Variants in IL31RA observed in about 807,000 individuals in gnomAD.
IL31RA encodes the protein interleukin 31 receptor A.
A neutral mutation model predicts 83.7 loss-of-function variants in IL31RA; 66 were observed. The observed-to-expected ratio is 0.79, with a 90% CI of 0.65 to 0.97. IL31RA has a LOEUF of 0.97. Ranked by LOEUF, IL31RA falls within the 50% of genes least tolerant of loss-of-function variation. The pLI is 0.00. For missense variants in IL31RA, 798 were observed against 919.4 expected, an observed-to-expected ratio of 0.87 and a Z score of 1.71; for synonymous variants, 325 against 329.0, an observed-to-expected ratio of 0.99 and a Z score of 0.13.
intron 13 of IL31RA, 74 bp downstream of exon 13, chr5:55,913,644 G>C (rs1228164094): frequency 5.7e-6 from 5 of 880,472 alleles, no homozygotes; most frequent in Non-Finnish European, 9.8e-6. Flanking sequence ...TAGGTGCTTC[G>C]TAGGAGAGGG....
intron 4 of IL31RA, among the ~76,000 whole-genome samples, chr5:55,879,007 T>C (rs940389092): frequency 2.0e-5 from 3 of 152,144 alleles, no homozygotes; most frequent in Admixed American, 1.3e-4. Context: ...TTTCTCCTTA[T>C]GATTTTATAT....
intron 11 of IL31RA, among the ~76,000 whole-genome samples, chr5:55,909,440 G>A (rs1439749392): frequency 1.3e-5 from 2 of 152,144 alleles, no homozygotes; most frequent in East Asian, 3.8e-4. Flanking sequence ...AAGTTGAATT[G>A]CTGGATCATA....
chr5:55,890,206 G>A lies in IL31RA; in HGVS notation c.772+71G>A. On this transcript the variant is annotated intron_variant, in intron 6 of 14. Transcript: ENST00000652347. ...GCTGCTTTGGGCTAGACTTGGTGGG[G>A]TTTGTCACCACCTGGTTGGGAATCA... The A allele has an allele frequency of 1.0e-5, 15 of 1,483,706 alleles. No homozygotes were observed. The South Asian group carries it at 1.3e-4, about 12-fold the overall frequency. 91.9% of individuals were successfully genotyped at this position (1,483,706 alleles called of 1,614,324 possible). A position where few individuals can be genotyped will look rare whatever the true frequency, so the allele number is the denominator to read the frequency against.
At chr5:55,890,293 C>T (rs166233) in intron 6 of IL31RA, among the ~76,000 whole-genome samples, 158 bp downstream of exon 6, 69,810 of 151,960 alleles carry the variant, frequency 0.46, 16,358 homozygotes, top group South Asian at 0.55. Flanking sequence ...CAACTTTGTG[C>T]CCCAAAGGCA....
intron 7 of IL31RA, 127 bp downstream of exon 7, chr5:55,896,556 C>A: frequency 1.9e-6 from 1 of 515,970 alleles, no homozygotes. Context: ...CTTCCCTCCC[C>A]TCCCCTCCCC....
chr5:55,915,478 T>A (rs1307357924), intron 14 of IL31RA, among the ~76,000 whole-genome samples: 1 of 152,208 alleles, frequency 6.6e-6, no homozygotes, highest in Admixed American at 6.5e-5. Flanking sequence ...TTTGCATAAA[T>A]TTTTAAGTGG....
chr5:55,908,420 GC>G lies in IL31RA; in HGVS notation c.1501+12del. 6 of 1,614,172 alleles carry G rather than the reference GC, an allele frequency of 3.7e-6. No individual in the cohort carries two copies. The highest frequency in any genetic ancestry group is 5.1e-6 in the Non-Finnish European group (6 of 1,180,046). The stretch of plus-strand genomic sequence containing the variant: ...AGGTGGAAAAGGATTCTGTAAGCAC[GC>G]CCATAGCGAAGTGGAAAAAAACCCC... On this transcript the variant is annotated intron_variant, in intron 11 of 14. Transcript: ENST00000652347.
At chr5:55,897,373 C>T (rs767663743) in intron 7 of IL31RA, among the ~76,000 whole-genome samples, 3 of 151,830 alleles carry the variant, frequency 2.0e-5, no homozygotes, top group Admixed American at 1.3e-4. Context: ...CATTAACATT[C>T]GGGGTGGGTA....
At chr5:55,873,379 A>G (rs1746652918) in intron 4 of IL31RA, among the ~76,000 whole-genome samples, 1 of 152,002 alleles carries the variant, frequency 6.6e-6, no homozygotes, top group Admixed American at 6.6e-5. Context: ...TTTGTATACA[A>G]TTTTTTGTGT....
At chr5:55,870,800 A>G (rs1274192880) in intron 3 of IL31RA, among the ~76,000 whole-genome samples, 1 of 152,208 alleles carries the variant, frequency 6.6e-6, no homozygotes, top group Non-Finnish European at 1.5e-5. Context: ...AGGTCATGGA[A>G]TAAGCCAAAA....
chr5:55,896,524 T>TCCGTC, intron 7 of IL31RA, 95 bp downstream of exon 7: 1 of 636,260 alleles, frequency 1.6e-6, no homozygotes, highest in Non-Finnish European at 2.7e-6. Flanking sequence ...CCTTCCATCC[T>TCCGTC]CCTTCCCTTC....
At chr5:55,849,969 T>C (rs749588586), upstream of IL31RA, among the ~76,000 whole-genome samples, 31 of 152,222 alleles carry the variant, frequency 2.0e-4, no homozygotes, top group Non-Finnish European at 3.7e-4. Flanking sequence ...GTTTTACCTT[T>C]CTTTCTGATG....
At chr5:55,848,600 T>C (rs1580634541), upstream of IL31RA, among the ~76,000 whole-genome samples, 1 of 152,200 alleles carries the variant, frequency 6.6e-6, no homozygotes. Context: ...TCTGTTTTGG[T>C]TTTTATAAGC....
At position 55,922,377 on chromosome 5, in the gene IL31RA, C is replaced by T. The variant is rs866367619; in HGVS notation, c.*5257C>T. 3.2e-6 allele frequency: 5 copies of T among 1,548,074 alleles called. No homozygotes were observed. Among genetic ancestry groups the T allele is most frequent in the Middle Eastern group, 3.3e-4 (2 of 5,988 alleles). ...GTTCAAGGGAAGTGAGATACTTGTA[C>T]TATGCATTTCATTTTTAGGACTAGA... On this transcript the variant is annotated 3_prime_UTR_variant, in exon 15 of 15. Transcript: ENST00000652347.
rs201532364 is a variant in IL31RA, at chr5:55,869,483, C to CT, written c.272+583dup. On this transcript the variant is annotated intron_variant, in intron 3 of 14. Coordinates refer to ENST00000652347, the MANE Select transcript of IL31RA (RefSeq NM_139017.7). ...TAAATATTTGCAGGTTAAAAAAAAA[C>CT]TTTTTTTTGAGACAGAATCTCACTC... Among the ~76,000 whole-genome samples, 952 of 151,772 alleles carry CT rather than the reference C, an allele frequency of 6.3e-3. 15 individuals carry two copies. Among genetic ancestry groups the CT allele is most frequent in the African/African-American group, 0.022 (911 of 41,366 alleles).
At chr5:55,883,805 GAGT>G (rs565439234) in intron 5 of IL31RA, among the ~76,000 whole-genome samples, 8 of 152,146 alleles carry the variant, frequency 5.3e-5, no homozygotes, top group Non-Finnish European at 1.0e-4. Flanking sequence ...CTGTTTCCTT[GAGT>G]CCCAGGATGA....
chr5:55,917,859 C>G lies in IL31RA; in HGVS notation c.*739C>G, dbSNP rs1749881919. On this transcript the variant is annotated 3_prime_UTR_variant, in exon 15 of 15. Coordinates refer to ENST00000652347, the MANE Select transcript of IL31RA (RefSeq NM_139017.7). ...GGGGGCCACTTCCCAGCTGCTGCTGCCCTTCTATTCAGCACCCAGCCTGGG... is the reference window on the plus strand; with the variant it reads ...GGGGGCCACTTCCCAGCTGCTGCTGGCCTTCTATTCAGCACCCAGCCTGGG... Among the ~76,000 whole-genome samples, 1 of 152,152 alleles carries G rather than the reference C, an allele frequency of 6.6e-6. No individual in the cohort carries two copies.
the IL31RA span, among the ~76,000 whole-genome samples, chr5:55,842,595 C>A: frequency 6.6e-6 from 1 of 152,190 alleles, no homozygotes; most frequent in African/African-American, 2.4e-5. Context: ...TCCCTTAGGG[C>A]GGAATTAATG....
intron 2 of IL31RA, among the ~76,000 whole-genome samples, chr5:55,867,168 C>CAT (rs1561543063): frequency 1.8e-3 from 35 of 19,866 alleles, no homozygotes; most frequent in African/African-American, 5.9e-3. Context: ...TGTGTGTGTG[C>CAT]ATGTGTGTGT....
Sources: allele counts gnomAD v4.1 joint callset (sites outside exome capture counted in the v4.1 genomes callset), GRCh38; gene constraint gnomAD v4.1.1; transcripts MANE v1.5; gene names NCBI Gene and HGNC (gene_info 2026-07-23, HGNC 2026-07-21).